Variants in FAM168B observed in about 807,000 individuals in gnomAD.
The protein encoded by FAM168B is family with sequence similarity 168 member B.
A neutral mutation model predicts 21.8 loss-of-function variants in FAM168B; 19 were observed. That is an observed-to-expected ratio of 0.87 (90% CI 0.61 to 1.28). The LOEUF (loss-of-function observed/expected upper bound fraction) is 1.28, where lower values mean the gene tolerates loss of function less well. Among genes scored for constraint, FAM168B ranks in the 50% most tolerant of loss-of-function variants. FAM168B has a pLI of 0.00. For missense variants in FAM168B, 233 were observed against 263.1 expected (o/e 0.89, Z 0.79); for synonymous variants, 126 against 104.8 (o/e 1.20, Z -1.24).
chr2:131,089,453 C>T (rs533535891), intron 1 of FAM168B, among the ~76,000 whole-genome samples: 1 of 151,890 alleles, frequency 6.6e-6, no homozygotes, highest in South Asian at 2.1e-4. Context: ...AAAGACCTGG[C>T]CAGGCGCAGT....
chr2:131,048,598 G>A lies in FAM168B; in HGVS notation c.*3867C>T. On this transcript the variant is annotated 3_prime_UTR_variant, in exon 7 of 7. Coordinates refer to ENST00000389915, the MANE Select transcript of FAM168B (RefSeq NM_001009993.4). ...AAATAGGCCACATACCCCAACTTCT[G>A]TGTTACTTGGTCAGTTGAGCCCCTG... is the stretch of plus-strand genomic sequence containing the variant. The A allele has an allele frequency of 9.2e-7, 1 of 1,090,534 alleles. No individual in the cohort carries two copies. Among genetic ancestry groups the A allele is most frequent in the South Asian group, 2.6e-5 (1 of 39,184 alleles). 67.6% of individuals were successfully genotyped at this position (1,090,534 alleles called of 1,614,324 possible).
Position 131,055,611 on chromosome 2 carries a change from T to A in FAM168B, c.239A>T (p.Tyr80Phe). The change falls in exon 4 of 7, where the codon TAC (tyrosine) becomes TTC (phenylalanine). Residue 80 changes from tyrosine to phenylalanine, a missense_variant. Physicochemically the swap from Tyr to Phe is conservative, Grantham distance 22 (BLOSUM62 3). Transcript: ENST00000389915. ...VPPYSSSPNP[Y>F]QTAVYPVRSA... ...TCGCACAGGGTACACGGCAGTCTGG[T>A]AGGGGTTCGGGGAGGAGGAGTACGG... 6.2e-7 allele frequency: 1 copy of A among 1,610,870 alleles called. No homozygotes were observed. The highest frequency in any genetic ancestry group is 8.5e-7 in the Non-Finnish European group (1 of 1,178,514).
At chr2:131,086,226 A>C (rs922778358) in intron 1 of FAM168B, among the ~76,000 whole-genome samples, 5 of 152,160 alleles carry the variant, frequency 3.3e-5, no homozygotes, top group African/African-American at 1.2e-4. Flanking sequence ...TCAAGAAGCA[A>C]ATATTTCCCA....
At chr2:131,085,571 T>C (rs1024648602) in intron 1 of FAM168B, among the ~76,000 whole-genome samples, 6 of 152,230 alleles carry the variant, frequency 3.9e-5, no homozygotes, top group African/African-American at 1.2e-4. Context: ...TTGTCTCATT[T>C]AGAATATTCA....
Position 131,049,239 on chromosome 2 carries a change from C to A in FAM168B, c.*3226G>T. On this transcript the variant is annotated 3_prime_UTR_variant, in exon 7 of 7. Coordinates refer to ENST00000389915, the MANE Select transcript of FAM168B (RefSeq NM_001009993.4). ...CCTCATTCATCACAGCCAGATGATG[C>A]CACCAGAAAGAGCAAGGTACTGTAT... 2.0e-6 allele frequency: 2 copies of A among 985,418 alleles called. No homozygotes were observed. Among genetic ancestry groups the A allele is most frequent in the Non-Finnish European group, 2.4e-6 (2 of 829,954 alleles). 61.0% of individuals were successfully genotyped at this position (985,418 alleles called of 1,614,324 possible). A position where few individuals can be genotyped will look rare whatever the true frequency, so the allele number is the denominator to read the frequency against.
intron 1 of FAM168B, among the ~76,000 whole-genome samples, chr2:131,087,362 C>A (rs1409346574): frequency 6.6e-6 from 1 of 152,062 alleles, no homozygotes; most frequent in Non-Finnish European, 1.5e-5. Context: ...ATCCCAGCTA[C>A]ACAGGAGGCT....
At chr2:131,082,543 G>T (rs374881367) in intron 2 of FAM168B, 34 bp downstream of exon 2, 16 of 1,452,970 alleles carry the variant, frequency 1.1e-5, no homozygotes, top group Non-Finnish European at 1.3e-5. Flanking sequence ...AGTATTCAAA[G>T]TTCAAAAATG....
chr2:131,055,536 T>A lies in FAM168B; in HGVS notation c.297+17A>T, dbSNP rs767891364. On this transcript the variant is annotated intron_variant, in intron 4 of 6. Transcript: ENST00000389915. The stretch of plus-strand genomic sequence containing the variant: ...GGTATCACCCCTTCCCACACAGCAG[T>A]GTGTACCCAAGCATACCTGTGCATA... 3.7e-6 allele frequency: 6 copies of A among 1,601,976 alleles called. No homozygotes were observed. The African/African-American group carries it at 8.1e-5, about 22-fold the overall frequency.
At position 131,051,566 on chromosome 2, in the gene FAM168B, A is replaced by C; in HGVS notation, c.*899T>G. On this transcript the variant is annotated 3_prime_UTR_variant, in exon 7 of 7. Transcript: ENST00000389915. Reference sequence around the variant, plus strand: ...CTGCAAGCATGGCTGTTTCTCTTTCACATTTCTTCCATCCCAGGAAAATAA... The same window carrying C: ...CTGCAAGCATGGCTGTTTCTCTTTCCCATTTCTTCCATCCCAGGAAAATAA... 3 of 985,348 alleles carry C rather than the reference A, an allele frequency of 3.0e-6. No individual in the cohort carries two copies. Among genetic ancestry groups the C allele is most frequent in the Non-Finnish European group, 3.6e-6 (3 of 829,898 alleles). The allele number at this position is 985,348 out of a possible 1,614,324, so 61.0% of individuals were successfully genotyped here.
At chr2:131,087,188 G>A (rs1185025805) in intron 1 of FAM168B, among the ~76,000 whole-genome samples, 1 of 152,058 alleles carries the variant, frequency 6.6e-6, no homozygotes, top group Non-Finnish European at 1.5e-5. Context: ...GCAGCGTTAG[G>A]CCAGGCACAG....
chr2:131,059,731 A>G (rs1692198847), intron 3 of FAM168B, among the ~76,000 whole-genome samples: 1 of 152,222 alleles, frequency 6.6e-6, no homozygotes. Context: ...TCATACAATT[A>G]AAAACATTCA....
chr2:131,086,358 T>G (rs1693697575), intron 1 of FAM168B, among the ~76,000 whole-genome samples: 1 of 152,126 alleles, frequency 6.6e-6, no homozygotes, highest in Non-Finnish European at 1.5e-5. Context: ...CAATCTCTTC[T>G]GAGTTTTACA....
In FAM168B at chr2:131,081,133, T is replaced by G. The variant is rs537010383; in HGVS notation, c.70+1444A>C. 3.6e-4 allele frequency among the ~76,000 whole-genome samples: 55 copies of G among 152,344 alleles called. 2 individuals carry two copies. The South Asian group carries it at 0.011, about 32-fold the overall frequency. Reference sequence around the variant, plus strand: ...ACCTGAAATTTGTTCATATGCCATTTTGTTTCATTTCTTAAAGTTCCAGCT... The same window carrying G: ...ACCTGAAATTTGTTCATATGCCATTGTGTTTCATTTCTTAAAGTTCCAGCT... On this transcript the variant is annotated intron_variant, in intron 2 of 6. Transcript: ENST00000389915.
rs1183606608 is a variant in FAM168B, at chr2:131,049,960, A to AC, written c.*2504dup. On this transcript the variant is annotated 3_prime_UTR_variant, in exon 7 of 7. Transcript: ENST00000389915. ...AAGTCCAGATTCTTACCTGATATCT[A>AC]CCTTTCGTATCTGACAGCTGACGTC... The AC allele has an allele frequency of 2.0e-6, 2 of 985,386 alleles. No individual in the cohort carries two copies. Among genetic ancestry groups the AC allele is most frequent in the Non-Finnish European group, 2.4e-6 (2 of 829,948 alleles). 61.0% of individuals were successfully genotyped at this position (985,386 alleles called of 1,614,324 possible).
intron 3 of FAM168B, among the ~76,000 whole-genome samples, chr2:131,066,701 A>C (rs953788019): frequency 6.6e-6 from 1 of 152,154 alleles, no homozygotes; most frequent in Non-Finnish European, 1.5e-5. Context: ...ATCCTCCCAT[A>C]AGAAATCAAG....
intron 3 of FAM168B, among the ~76,000 whole-genome samples, chr2:131,062,936 A>G (rs1368831849): frequency 6.6e-6 from 1 of 152,260 alleles, no homozygotes; most frequent in Non-Finnish European, 1.5e-5. Flanking sequence ...AATGATGTGC[A>G]TGCTCAAGTT....
At chr2:131,083,842 G>C (rs567094601) in intron 1 of FAM168B, among the ~76,000 whole-genome samples, 1 of 152,022 alleles carries the variant, frequency 6.6e-6, no homozygotes, top group Non-Finnish European at 1.5e-5. Context: ...CTCTAGATGG[G>C]AGTGGATTTA....
intron 3 of FAM168B, among the ~76,000 whole-genome samples, chr2:131,059,290 CAG>C (rs1692178767): frequency 6.6e-6 from 1 of 152,148 alleles, no homozygotes; most frequent in Non-Finnish European, 1.5e-5. Context: ...GGAGTCAGCT[CAG>C]AGAGGGGCAG....
rs555736808 is a variant in FAM168B, at chr2:131,082,820, G to A, written c.-11-163C>T. On this transcript the variant is annotated intron_variant, in intron 1 of 6. Coordinates refer to ENST00000389915, the MANE Select transcript of FAM168B (RefSeq NM_001009993.4). ...AGCGAAGAACAGAAAAGGGACACTC[G>A]ATGTCCTAATGGGTGCCAAACCAGG... Among the ~76,000 whole-genome samples the A allele has an allele frequency of 4.6e-5, 7 of 152,274 alleles. No individual in the cohort carries two copies. The South Asian group carries it at 1.0e-3, about 23-fold the overall frequency.
Sources: gnomAD v4.1 joint callset for allele counts (sites outside exome capture counted in the v4.1 genomes callset) on GRCh38, gnomAD v4.1.1 for gene constraint, MANE v1.5 for transcripts, NCBI Gene and HGNC (gene_info 2026-07-23, HGNC 2026-07-21) for gene names.